The following PRKN variants were observed in gnomAD, a reference collection of about 807,000 sequenced individuals.
PRKN encodes the protein E3 ubiquitin-protein ligase parkin.
A neutral mutation model predicts 59.5 loss-of-function variants in PRKN; 56 were observed. The ratio of observed to expected loss-of-function variants is 0.94; its 90% confidence interval spans 0.76 to 1.18. The LOEUF is 1.18. Ranked by LOEUF, PRKN falls within the 50% of genes most tolerant of loss-of-function variation. The pLI, the probability that PRKN is intolerant of heterozygous loss-of-function variation, is 0.00. For synonymous variants in PRKN, 250 were observed against 222.1 expected, an observed-to-expected ratio of 1.13 and a Z score of -1.12; for missense variants, 657 against 596.4, an observed-to-expected ratio of 1.10 and a Z score of -1.06.
At chr6:162,081,563 G>A (rs775161618) in intron 4 of PRKN, among the ~76,000 whole-genome samples, 14 of 152,196 alleles carry the variant, frequency 9.2e-5, no homozygotes, top group Middle Eastern at 3.4e-3. Context: ...CCAGTAAACC[G>A]TGCTGTAAAC....
chr6:161,733,046 A>T (rs1390834274), intron 7 of PRKN, among the ~76,000 whole-genome samples: 6 of 152,212 alleles, frequency 3.9e-5, no homozygotes, highest in African/African-American at 1.2e-4. Flanking sequence ...AACAAAAACA[A>T]AAAGAAAAAC....
intron 2 of PRKN, among the ~76,000 whole-genome samples, chr6:162,370,961 G>A (rs1287302640): frequency 6.6e-6 from 1 of 152,172 alleles, no homozygotes; most frequent in East Asian, 1.9e-4. Context: ...CCAAATGGGT[G>A]TTTTCCGTAC....
At position 162,056,063 on chromosome 6, in the gene PRKN, A is replaced by T. The variant is rs538236817; in HGVS notation, c.535-1889T>A. On this transcript the variant is annotated intron_variant, in intron 4 of 11. Coordinates refer to ENST00000366898, the MANE Select transcript of PRKN (RefSeq NM_004562.3). This position sits in a 1 kb window ranked among gnomAD's most constrained non-coding sequence, Gnocchi z 4.9. Reference sequence around the variant, plus strand: ...ACACATGCATAAACACACCACATACATACACGTGCACACACATCCCACACA... The same window carrying T: ...ACACATGCATAAACACACCACATACTTACACGTGCACACACATCCCACACA... Among the ~76,000 whole-genome samples, 3 of 151,212 alleles carry T rather than the reference A, an allele frequency of 2.0e-5. No individual in the cohort carries two copies. The highest frequency in any genetic ancestry group is 6.6e-5 in the Admixed American group (1 of 15,168).
intron 9 of PRKN, among the ~76,000 whole-genome samples, chr6:161,541,233 C>T (rs966782423): frequency 6.6e-6 from 1 of 152,184 alleles, no homozygotes; most frequent in Non-Finnish European, 1.5e-5. Flanking sequence ...AATGTGGTTA[C>T]TGTGATTGAG....
chr6:161,460,508 C>T lies in PRKN; in HGVS notation c.1084-73631G>A, dbSNP rs953241935. 3.3e-5 allele frequency among the ~76,000 whole-genome samples: 5 copies of T among 152,162 alleles called. No homozygotes were observed. The highest frequency in any genetic ancestry group is 1.2e-4 in the African/African-American group (5 of 41,514). On this transcript the variant is annotated intron_variant, in intron 9 of 11. Transcript: ENST00000366898. The surrounding 1 kb of genome is among the most constrained non-coding windows in gnomAD (Gnocchi z 5.0). ...GCCAGGGGACACTTCTCTGAACCCC[C>T]GTGATCACTTGGGTTTGGGGAAGGA...
In PRKN at chr6:161,897,931, C is replaced by T. The variant is rs9365343; in HGVS notation, c.734+75371G>A. ...GCAGTGAGCTGAGATCGCGCCACTGCACTCCAGCCTGGGTGACAGAGCGAG... is the reference window on the plus strand; with the variant it reads ...GCAGTGAGCTGAGATCGCGCCACTGTACTCCAGCCTGGGTGACAGAGCGAG... On this transcript the variant is annotated intron_variant, in intron 6 of 11. Coordinates refer to ENST00000366898, the MANE Select transcript of PRKN (RefSeq NM_004562.3). Among the ~76,000 whole-genome samples the T allele has an allele frequency of 1.1e-3, 138 of 124,642 alleles. 2 individuals carry two copies. In the South Asian group the frequency reaches 0.02, roughly 18 times the overall value. 81.8% of individuals were successfully genotyped at this position (124,642 alleles called of 152,430 possible).
intron 5 of PRKN, among the ~76,000 whole-genome samples, chr6:162,042,051 C>G (rs1017427273): frequency 6.6e-6 from 1 of 151,914 alleles, no homozygotes; most frequent in African/African-American, 2.4e-5. Flanking sequence ...TCTCATGGAG[C>G]CATAGGCCAT....
chr6:161,873,658 T>G (rs1273445190), intron 6 of PRKN, among the ~76,000 whole-genome samples: 1 of 151,754 alleles, frequency 6.6e-6, no homozygotes, highest in East Asian at 1.9e-4. Flanking sequence ...AGTCTGCCAG[T>G]TGAGGCGTTT....
intron 2 of PRKN, among the ~76,000 whole-genome samples, chr6:162,426,453 T>C (rs986595944): frequency 2.6e-5 from 4 of 152,172 alleles, no homozygotes; most frequent in African/African-American, 9.7e-5. Context: ...ATTTAAAAAC[T>C]AATTTTCTTT....
chr6:161,917,413 TC>T (rs1778609926), intron 6 of PRKN, among the ~76,000 whole-genome samples: 1 of 152,184 alleles, frequency 6.6e-6, no homozygotes, highest in Admixed American at 6.5e-5. Context: ...GCCGATTTTT[TC>T]ATTTTTATTT....
At chr6:162,580,845 T>C (rs1351466140) in intron 1 of PRKN, among the ~76,000 whole-genome samples, 6 of 152,218 alleles carry the variant, frequency 3.9e-5, no homozygotes, top group South Asian at 2.1e-4. Flanking sequence ...TCCTGAGCGC[T>C]TGCTGAGTAT....
At chr6:162,573,783 A>G (rs1218305482) in intron 1 of PRKN, among the ~76,000 whole-genome samples, 1 of 152,232 alleles carries the variant, frequency 6.6e-6, no homozygotes, top group Non-Finnish European at 1.5e-5. Context: ...AAGGGAATGT[A>G]TAACTTATTC....
chr6:162,207,568 C>G (rs1785004449), intron 3 of PRKN, among the ~76,000 whole-genome samples: 1 of 152,126 alleles, frequency 6.6e-6, no homozygotes, highest in Non-Finnish European at 1.5e-5. Flanking sequence ...TCCTAACATC[C>G]CACTCAGCGC....
At chr6:162,091,112 CTT>C (rs10554768) in intron 4 of PRKN, among the ~76,000 whole-genome samples, 85,824 of 148,208 alleles carry the variant, frequency 0.58, 24,720 homozygotes, top group East Asian at 0.78. Flanking sequence ...TCTTGCTATC[CTT>C]TTTTTTTTTT....
intron 5 of PRKN, among the ~76,000 whole-genome samples, chr6:161,992,501 A>G (rs927412168): frequency 2.6e-5 from 4 of 152,206 alleles, no homozygotes; most frequent in Non-Finnish European, 5.9e-5. Context: ...AGACCCTGAT[A>G]CAACAGTTGG....
intron 3 of PRKN, among the ~76,000 whole-genome samples, chr6:162,231,629 A>C (rs992708862): frequency 6.6e-6 from 1 of 152,214 alleles, no homozygotes; most frequent in Admixed American, 6.5e-5. Flanking sequence ...TGGGAAAATA[A>C]CAGCCATACA....
intron 7 of PRKN, among the ~76,000 whole-genome samples, chr6:161,643,054 G>A (rs989081755): frequency 1.1e-4 from 17 of 152,158 alleles, no homozygotes; most frequent in Admixed American, 2.6e-4. Context: ...AATTGGTTTC[G>A]AGTTTTAGAT....
At chr6:162,331,713 T>C (rs1203038429) in intron 2 of PRKN, among the ~76,000 whole-genome samples, 1 of 152,164 alleles carries the variant, frequency 6.6e-6, no homozygotes, top group African/African-American at 2.4e-5. Context: ...CTTCAGAGGA[T>C]CTAGACCCTG....
rs1241782784 is a variant in PRKN at position 161,727,960 on chromosome 6, G to T, written c.871+57812C>A. ...TGAACATATCATCTTATTAAAAACA[G>T]ATTTTAAAAATTAATAAATTAATTG... On this transcript the variant is annotated intron_variant, in intron 7 of 11. Transcript: ENST00000366898. Among the ~76,000 whole-genome samples, 3 of 152,076 alleles carry T rather than the reference G, an allele frequency of 2.0e-5. No homozygotes were observed. In the East Asian group the frequency reaches 5.8e-4, roughly 29 times the overall value.
Sources: allele counts gnomAD v4.1 joint callset (sites outside exome capture counted in the v4.1 genomes callset), GRCh38; gene constraint gnomAD v4.1.1; non-coding constraint Gnocchi (gnomAD v3.1); transcripts MANE v1.5; gene names NCBI Gene and HGNC (gene_info 2026-07-23, HGNC 2026-07-21).